KANTR: variants seen among roughly 807,000 people sequenced by gnomAD.
KANTR encodes KANTR integral membrane protein.
chrX:53,119,340 T>C (rs1556815146), intron 2 of KANTR, among the ~76,000 whole-genome samples: 7 of 112,344 alleles, frequency 6.2e-5, no homozygotes, highest in Admixed American at 5.6e-4. Flanking sequence ...ATTTTTTGTC[T>C]TGTCTTCTCT....
intron 2 of KANTR, among the ~76,000 whole-genome samples, chrX:53,107,214 A>G: frequency 1.0e-5 from 1 of 98,776 alleles, no homozygotes; most frequent in Non-Finnish European, 2.0e-5. Flanking sequence ...TACAGATAGG[A>G]TCTTTCTCTG....
intron 3 of KANTR, among the ~76,000 whole-genome samples, chrX:53,147,816 C>T (rs1206031958): frequency 9.0e-6 from 1 of 111,629 alleles, no homozygotes; most frequent in Non-Finnish European, 1.9e-5. Flanking sequence ...AAGAAACTCA[C>T]TCAAAACCGC....
intron 2 of KANTR, among the ~76,000 whole-genome samples, chrX:53,107,698 A>T (rs1556813026): frequency 1.8e-5 from 2 of 108,894 alleles, no homozygotes; most frequent in African/African-American, 6.9e-5. Flanking sequence ...ATGTTTTTTA[A>T]TTTTTAAAAA....
At position 53,136,693 on chromosome X, in the gene KANTR, CATATATATATATATAT is replaced by C. The variant is rs58263602; in HGVS notation, n.204-5132_204-5117del. On this transcript the variant is annotated intron_variant and non_coding_transcript_variant, in intron 2 of 2. Transcript: ENST00000366185. ...TACAGGCAAGATCTACCACGCCCGG[CATATATATATATATAT>C]ATATATATATATATATATATATTTT... 0.018 allele frequency among the ~76,000 whole-genome samples: 168 copies of C among 9,301 alleles called. 25 individuals carry two copies. In the South Asian group the frequency reaches 0.27, roughly 15 times the overall value. The allele number at this position is 9,301 out of a possible 115,157, so 8.1% of individuals were successfully genotyped here.
chrX:53,130,764 C>T (rs1556816949), downstream of KANTR, among the ~76,000 whole-genome samples: 1 of 111,214 alleles, frequency 9.0e-6, no homozygotes, highest in African/African-American at 3.3e-5. Flanking sequence ...TATATCCTGC[C>T]CTGTGTGTTC....
intron 2 of KANTR, among the ~76,000 whole-genome samples, chrX:53,119,604 A>G (rs1556815174): frequency 8.9e-6 from 1 of 112,195 alleles, no homozygotes; most frequent in Non-Finnish European, 1.9e-5. Flanking sequence ...AACCAGTACT[A>G]CACTGCCTTA....
intron 2 of KANTR, among the ~76,000 whole-genome samples, chrX:53,102,968 G>A (rs1264712423): frequency 1.0e-5 from 1 of 97,193 alleles, no homozygotes; most frequent in East Asian, 3.3e-4. Flanking sequence ...CCAATAGTCT[G>A]ACCCTTGTTT....
At chrX:53,117,592 T>C in intron 2 of KANTR, among the ~76,000 whole-genome samples, 1 of 32,778 alleles carries the variant, frequency 3.1e-5, no homozygotes, top group Non-Finnish European at 8.0e-5. Context: ...TATCATACTG[T>C]GTGTGTGTGT....
At chrX:53,095,910 C>G (rs1383294341) in intron 1 of KANTR, among the ~76,000 whole-genome samples, 1 of 111,062 alleles carries the variant, frequency 9.0e-6, no homozygotes, top group Non-Finnish European at 1.9e-5. Context: ...CACCACTCTC[C>G]CCCCTTGCTC....
intron 2 of KANTR, among the ~76,000 whole-genome samples, chrX:53,107,713 T>A (rs1932971796): frequency 9.1e-6 from 1 of 109,693 alleles, no homozygotes; most frequent in South Asian, 3.8e-4. Flanking sequence ...TAAAAATTTT[T>A]AAATTAAAAT....
At chrX:53,147,094 C>G (rs376043620), downstream of KANTR, among the ~76,000 whole-genome samples, 1 of 111,621 alleles carries the variant, frequency 9.0e-6, no homozygotes, top group Non-Finnish European at 1.9e-5. Context: ...ATCATAATGA[C>G]AGGATCGAAT....
intron 2 of KANTR, among the ~76,000 whole-genome samples, chrX:53,105,915 T>G (rs1311784169): frequency 1.1e-5 from 1 of 94,311 alleles, no homozygotes; most frequent in Non-Finnish European, 2.1e-5. Flanking sequence ...TGGAGTGCAG[T>G]GGCGCGATCT....
At chrX:53,103,662 C>T (rs1556812249) in intron 2 of KANTR, among the ~76,000 whole-genome samples, 1 of 111,701 alleles carries the variant, frequency 9.0e-6, no homozygotes, top group Non-Finnish European at 1.9e-5. Flanking sequence ...TGATTGTTTC[C>T]TACTTCTCTC....
intron 2 of KANTR, among the ~76,000 whole-genome samples, chrX:53,103,307 C>G (rs1415755415): frequency 9.0e-6 from 1 of 111,121 alleles, no homozygotes. Flanking sequence ...CCTGTGACTG[C>G]ATTGTTTTCA....
exon 3 of KANTR, chrX:53,126,100 AGTAGTAGTG>A (rs1426806255): frequency 3.6e-5 from 4 of 110,504 alleles, no homozygotes; most frequent in Admixed American, 1.9e-4. Flanking sequence ...TAGTAGTAGT[AGTAGTAGTG>A]GTAGTAGTGG....
chrX:53,141,402 G>A (rs1478085971), intron 2 of KANTR, among the ~76,000 whole-genome samples: 1 of 111,490 alleles, frequency 9.0e-6, no homozygotes, highest in Non-Finnish European at 1.9e-5. Flanking sequence ...GTGCATATGT[G>A]TAGTATTTAA....
At chrX:53,143,755 T>C, downstream of KANTR, 1 of 570,796 alleles carries the variant, frequency 1.8e-6, no homozygotes, top group South Asian at 2.2e-5. Context: ...ATGGCCCATG[T>C]AGGAGTCCTT....
downstream of KANTR, chrX:53,142,741 A>G (rs1933520988): frequency 4.6e-6 from 2 of 434,158 alleles, no homozygotes; most frequent in South Asian, 2.7e-5. Context: ...CTCGCAGTCC[A>G]TTTAGAGGCA....
chrX:53,095,047 G>T (rs1243269580), intron 1 of KANTR, among the ~76,000 whole-genome samples: 6 of 112,093 alleles, frequency 5.4e-5, no homozygotes, highest in African/African-American at 1.9e-4. Flanking sequence ...AGCTTAGCCT[G>T]GGGCTCCGAC....
Sources: allele counts gnomAD v4.1 joint callset (sites outside exome capture counted in the v4.1 genomes callset), GRCh38; gene constraint gnomAD v4.1.1; transcripts MANE v1.5; gene names NCBI Gene and HGNC (gene_info 2026-07-23, HGNC 2026-07-21).